PABPC4L: variants seen among roughly 807,000 people sequenced by gnomAD.
PABPC4L encodes poly(A) binding protein cytoplasmic 4 like.
For synonymous variants in PABPC4L, 169 were observed against 164.1 expected, an observed-to-expected ratio of 1.03 and a Z score of -0.23; for missense variants, 452 against 451.4, an observed-to-expected ratio of 1.00 and a Z score of -0.01.
At chr4:133,989,508 A>G in the PABPC4L span, among the ~76,000 whole-genome samples, 599 of 152,258 alleles carry the variant, frequency 3.9e-3, 6 homozygotes, top group African/African-American at 0.014. Flanking sequence ...ATCAGCCTGT[A>G]CTTCATTGTC....
At chr4:134,149,396 G>A in the PABPC4L span, among the ~76,000 whole-genome samples, 15 of 152,250 alleles carry the variant, frequency 9.9e-5, 1 homozygote, top group Admixed American at 2.0e-4. Context: ...GTTGATCAAC[G>A]GCATGTGTCT....
the PABPC4L span, among the ~76,000 whole-genome samples, chr4:134,060,803 C>T: frequency 4.9e-3 from 737 of 151,912 alleles, 9 homozygotes; most frequent in African/African-American, 0.016. Flanking sequence ...ATTATGTTAA[C>T]GGAAATAAGC....
chr4:134,023,898 A>C, the PABPC4L span, among the ~76,000 whole-genome samples: 1 of 152,142 alleles, frequency 6.6e-6, no homozygotes, highest in Non-Finnish European at 1.5e-5. Context: ...AATTGAAGAA[A>C]GTTTTGCTGC....
chr4:134,037,570 A>G, the PABPC4L span, among the ~76,000 whole-genome samples: 328 of 152,280 alleles, frequency 2.2e-3, 2 homozygotes, highest in African/African-American at 7.5e-3. Context: ...AATAAGCAAG[A>G]CAAAAGCAAA....
At chr4:134,165,701 T>C in the PABPC4L span, among the ~76,000 whole-genome samples, 2 of 152,184 alleles carry the variant, frequency 1.3e-5, no homozygotes, top group Non-Finnish European at 2.9e-5. Flanking sequence ...TGTAAATTAG[T>C]ACAATTCCTA....
chr4:134,054,252 GTATATATATATATATATA>G, the PABPC4L span, among the ~76,000 whole-genome samples: 12 of 93,774 alleles, frequency 1.3e-4, no homozygotes, highest in Admixed American at 5.8e-4. Flanking sequence ...AGTTGTATAT[GTATATATATATATATATA>G]TATATATATA....
rs545294513 is a variant in PABPC4L at position 134,198,321 on chromosome 4, T to C, written c.*1586A>G. The stretch of plus-strand genomic sequence containing the variant: ...GGAATTGGTTTGCATAATACAATTA[T>C]ATGCAAATTCTTTTAATTTTTTCAT... On this transcript the variant is annotated 3_prime_UTR_variant, in exon 2 of 2. Transcript: ENST00000421491. The C allele has an allele frequency of 6.6e-6, 1 of 151,888 alleles. No homozygotes were observed. The highest frequency in any genetic ancestry group is 2.1e-4 in the South Asian group (1 of 4,828). The allele number at this position is 151,888 out of a possible 1,614,324, so 9.4% of individuals were successfully genotyped here.
At chr4:134,154,656 G>T in the PABPC4L span, among the ~76,000 whole-genome samples, 1 of 151,118 alleles carries the variant, frequency 6.6e-6, no homozygotes, top group Non-Finnish European at 1.5e-5. Flanking sequence ...AGTGTTGTGT[G>T]GTTCATCATA....
At chr4:134,078,717 T>C in the PABPC4L span, among the ~76,000 whole-genome samples, 1 of 150,424 alleles carries the variant, frequency 6.6e-6, no homozygotes, top group Non-Finnish European at 1.5e-5. Flanking sequence ...AATGGGGCGA[T>C]CTCAACTCAC....
the PABPC4L span, among the ~76,000 whole-genome samples, chr4:134,083,089 T>A: frequency 6.6e-6 from 1 of 152,174 alleles, no homozygotes; most frequent in African/African-American, 2.4e-5. Context: ...CTAATTTCAA[T>A]TTTCATTCAT....
chr4:134,056,432 T>A, the PABPC4L span, among the ~76,000 whole-genome samples: 1 of 152,070 alleles, frequency 6.6e-6, no homozygotes, highest in African/African-American at 2.4e-5. Context: ...TGAAGACAGT[T>A]GACAATTTTG....
At chr4:134,058,770 G>A in the PABPC4L span, among the ~76,000 whole-genome samples, 1 of 151,906 alleles carries the variant, frequency 6.6e-6, no homozygotes, top group South Asian at 2.1e-4. Context: ...TACTATTTCT[G>A]CTTCACAAAA....
the PABPC4L span, among the ~76,000 whole-genome samples, chr4:134,180,819 G>T: frequency 6.6e-6 from 1 of 151,860 alleles, no homozygotes; most frequent in Non-Finnish European, 1.5e-5. Flanking sequence ...AGCCTCCCAA[G>T]TTTGAACCGG....
chr4:134,088,004 A>T, the PABPC4L span, among the ~76,000 whole-genome samples: 1,921 of 151,978 alleles, frequency 0.013, 40 homozygotes, highest in African/African-American at 0.041. Context: ...ATAAAGCCTG[A>T]CTGTTCTTTT....
At chr4:134,189,239 GT>G in the PABPC4L span, among the ~76,000 whole-genome samples, 1 of 152,018 alleles carries the variant, frequency 6.6e-6, no homozygotes, top group East Asian at 1.9e-4. Context: ...ATTCACTAAA[GT>G]TTTTTAAATT....
chr4:134,118,905 T>C, the PABPC4L span, among the ~76,000 whole-genome samples: 1 of 151,816 alleles, frequency 6.6e-6, no homozygotes, highest in Non-Finnish European at 1.5e-5. Context: ...GGAAATTTTA[T>C]AAAGCAAATT....
chr4:134,201,125 G>C lies in PABPC4L; in HGVS notation c.-106C>G. Reference sequence around the variant, plus strand: ...GGCCCGGTTCAAGTGTGGAGGCCTCGGGATCACCACACAAAGGCCAAGCAA... The same window carrying C: ...GGCCCGGTTCAAGTGTGGAGGCCTCCGGATCACCACACAAAGGCCAAGCAA... On this transcript the variant is annotated 5_prime_UTR_variant, in exon 2 of 2. Coordinates refer to ENST00000421491, the MANE Select transcript of PABPC4L (RefSeq NM_001114734.2). The C allele has an allele frequency of 6.5e-7, 1 of 1,550,266 alleles. No homozygotes were observed. The highest frequency in any genetic ancestry group is 1.4e-5 in the African/African-American group (1 of 73,074).
the PABPC4L span, among the ~76,000 whole-genome samples, chr4:134,046,694 C>T: frequency 6.6e-6 from 1 of 152,290 alleles, no homozygotes; most frequent in South Asian, 2.1e-4. Flanking sequence ...CAGCTTTGCG[C>T]AGTGCATTGT....
the PABPC4L span, among the ~76,000 whole-genome samples, chr4:134,107,170 G>C: frequency 6.6e-6 from 1 of 150,558 alleles, no homozygotes; most frequent in Admixed American, 6.7e-5. Flanking sequence ...TTTACCTACA[G>C]TTACACAAAA....
Sources: gnomAD v4.1 joint callset for allele counts (sites outside exome capture counted in the v4.1 genomes callset) on GRCh38, gnomAD v4.1.1 for gene constraint, MANE v1.5 for transcripts, NCBI Gene and HGNC (gene_info 2026-07-23, HGNC 2026-07-21) for gene names.